The following NTNG2 variants were observed in gnomAD, a reference collection of about 807,000 sequenced individuals.
The protein encoded by NTNG2 is netrin G2.
In NTNG2, 15 loss-of-function variants were observed where a neutral mutation model predicts 47.6. The ratio of observed to expected loss-of-function variants is 0.32; its 90% CI spans 0.21 to 0.49. NTNG2 has a LOEUF of 0.49. Among genes scored for constraint, NTNG2 ranks in the 20% least tolerant of loss-of-function variants. NTNG2 has a pLI of 0.99. For synonymous variants in NTNG2, 307 were observed against 324.6 expected, an observed-to-expected ratio of 0.95 and a Z score of 0.58; for missense variants, 578 against 764.6, an observed-to-expected ratio of 0.76 and a Z score of 2.88.
rs909769232 is a variant in NTNG2, at chr9:132,242,148, G to GGGGGTCCC, written c.*50_*57dup. 2.1e-4 allele frequency: 209 copies of GGGGGTCCC among 1,009,696 alleles called. No individual in the cohort carries two copies. Among genetic ancestry groups the GGGGGTCCC allele is most frequent in the Non-Finnish European group, 2.3e-4 (189 of 826,340 alleles). 62.5% of individuals were successfully genotyped at this position (1,009,696 alleles called of 1,614,324 possible). A position where few individuals can be genotyped will look rare whatever the true frequency, so the allele number is the denominator to read the frequency against. ...AGGACGCTCCCCGCACCCGGAGGCC[G>GGGGGTCCC]GGGGTCCCGGGGTCCCGGGGCGGGG... is the stretch of plus-strand genomic sequence containing the variant. On this transcript the variant is annotated 3_prime_UTR_variant, in exon 8 of 8. Transcript: ENST00000393229. This position sits in a 1 kb window ranked among gnomAD's most constrained non-coding sequence, Gnocchi z 5.9.
intron 3 of NTNG2, among the ~76,000 whole-genome samples, chr9:132,219,168 G>A (rs1027940163): frequency 1.3e-5 from 2 of 150,460 alleles, no homozygotes; most frequent in African/African-American, 4.9e-5. Context: ...AGTGAGCTGT[G>A]ATCGTGACAC....
intron 3 of NTNG2, among the ~76,000 whole-genome samples, chr9:132,206,105 G>A (rs1269580840): frequency 6.6e-6 from 1 of 152,074 alleles, no homozygotes; most frequent in Non-Finnish European, 1.5e-5. Flanking sequence ...CCAGAGAGAG[G>A]AGCCACAACT....
intron 3 of NTNG2, among the ~76,000 whole-genome samples, chr9:132,210,359 G>A (rs1415448051): frequency 1.3e-5 from 2 of 152,174 alleles, no homozygotes; most frequent in East Asian, 3.8e-4. Flanking sequence ...TGAAGGAGTC[G>A]GTATTTTGTC....
chr9:132,188,093 C>T (rs1837543242), intron 2 of NTNG2, among the ~76,000 whole-genome samples: 1 of 152,244 alleles, frequency 6.6e-6, no homozygotes, highest in African/African-American at 2.4e-5. Context: ...TGGCAGAGGC[C>T]ACATCCAAGG....
rs111585739 is a variant in NTNG2 at position 132,205,609 on chromosome 9, G to A, written c.857+7000G>A. On this transcript the variant is annotated intron_variant, in intron 3 of 7. Transcript: ENST00000393229. ...TAACAATGGTAAGGTGGCTGGGCGC[G>A]GTGGCTCATGCCTGTAATCTCAGCA... 5.4e-3 allele frequency among the ~76,000 whole-genome samples: 816 copies of A among 152,228 alleles called. 10 individuals are homozygous for A. The highest frequency in any genetic ancestry group is 0.018 in the African/African-American group (766 of 41,534).
intron 2 of NTNG2, among the ~76,000 whole-genome samples, chr9:132,186,712 G>A (rs1053320528): frequency 2.0e-5 from 3 of 152,370 alleles, no homozygotes; most frequent in Non-Finnish European, 2.9e-5. Flanking sequence ...CTAAGCAGTC[G>A]ATCTGCTGGA....
At chr9:132,179,849 CGAAT>C (rs1368020625) in intron 2 of NTNG2, among the ~76,000 whole-genome samples, 1 of 152,126 alleles carries the variant, frequency 6.6e-6, no homozygotes, top group Non-Finnish European at 1.5e-5. Context: ...CACAGGAGTT[CGAAT>C]GGTCGTTCTG....
chr9:132,162,555 T>TGTGAGA lies in NTNG2; in HGVS notation c.-484+317_-484+318insTGAGAG, dbSNP rs112179857. 0.028 allele frequency among the ~76,000 whole-genome samples: 3,844 copies of TGTGAGA among 139,404 alleles called. 108 individuals are homozygous for TGTGAGA. Among genetic ancestry groups the TGTGAGA allele is most frequent in the African/African-American group, 0.044 (1,627 of 36,836 alleles). The allele number at this position is 139,404 out of a possible 152,430, so 91.5% of individuals were successfully genotyped here. A position where few individuals can be genotyped will look rare whatever the true frequency, so the allele number is the denominator to read the frequency against. ...GTGAGAGTGTGTGTGTGTGTGTGTG[T>TGTGAGA]GAGAGAGAGACAGAGTGTGTGTGTG... On this transcript the variant is annotated intron_variant, in intron 1 of 7. Coordinates refer to ENST00000393229, the MANE Select transcript of NTNG2 (RefSeq NM_032536.4). The surrounding 1 kb of genome is among the most constrained non-coding windows in gnomAD (Gnocchi z 4.6).
chr9:132,230,440 G>A (rs1841112483), intron 4 of NTNG2, 132 bp from the exon 5 acceptor site: 2 of 753,628 alleles, frequency 2.7e-6, no homozygotes, highest in Non-Finnish European at 2.3e-6. Flanking sequence ...TAGCAGTTGT[G>A]TGGTGGAGCA....
rs2131080260 is a variant in NTNG2 at position 132,243,951 on chromosome 9, A to G, written c.*1840A>G. 1 of 152,386 alleles carries G rather than the reference A, an allele frequency of 6.6e-6. No homozygotes were observed. The highest frequency in any genetic ancestry group is 2.4e-5 in the African/African-American group (1 of 41,520). The allele number at this position is 152,386 out of a possible 1,614,324, so 9.4% of individuals were successfully genotyped here. On this transcript the variant is annotated 3_prime_UTR_variant, in exon 8 of 8. Transcript: ENST00000393229. ...CTGCAGCTGGCCCATCTCTACCCTCACATTCTTCCTTACGCACAGAACCCC... is the reference window on the plus strand; with the variant it reads ...CTGCAGCTGGCCCATCTCTACCCTCGCATTCTTCCTTACGCACAGAACCCC...
At chr9:132,185,894 G>A (rs80349554) in intron 2 of NTNG2, among the ~76,000 whole-genome samples, 20 of 147,418 alleles carry the variant, frequency 1.4e-4, no homozygotes, top group African/African-American at 4.7e-4. Flanking sequence ...GAGGAGGAGG[G>A]AAAGGAGGAG....
chr9:132,232,673 G>A (rs965449464), intron 5 of NTNG2: 4 of 152,228 alleles, frequency 2.6e-5, no homozygotes, highest in African/African-American at 9.7e-5. Flanking sequence ...GCCAGGGAGG[G>A]GTGCTCCAAT....
chr9:132,219,156 G>T (rs1341962968), intron 3 of NTNG2, among the ~76,000 whole-genome samples: 1 of 151,420 alleles, frequency 6.6e-6, no homozygotes, highest in Non-Finnish European at 1.5e-5. Flanking sequence ...GGCAGACATT[G>T]CAGTGAGCTG....
At chr9:132,174,890 C>G (rs1257553184) in intron 2 of NTNG2, among the ~76,000 whole-genome samples, 1 of 141,278 alleles carries the variant, frequency 7.1e-6, no homozygotes, top group African/African-American at 2.7e-5. Context: ...CCACTGCACT[C>G]CAGCCTGGGC....
intron 3 of NTNG2, among the ~76,000 whole-genome samples, chr9:132,209,468 C>T (rs368117190): frequency 6.6e-6 from 1 of 152,196 alleles, no homozygotes; most frequent in East Asian, 1.9e-4. Context: ...GGGAGCCGGG[C>T]GGGCTGCAGC....
chr9:132,164,941 G>A (rs1156606620), intron 1 of NTNG2, among the ~76,000 whole-genome samples: 1 of 152,226 alleles, frequency 6.6e-6, no homozygotes, highest in African/African-American at 2.4e-5. Flanking sequence ...TGGCAGGAGC[G>A]TTTTTCTGTC....
At position 132,198,459 on chromosome 9, in the gene NTNG2, G is replaced by T. The variant is rs755237562; in HGVS notation, c.707G>T (p.Arg236Leu). The T allele has an allele frequency of 6.2e-7, 1 of 1,610,420 alleles. No homozygotes were observed. Residue 236 changes from arginine (R) to leucine (L), a missense_variant, in exon 3 of 8, where the codon CGG becomes CTG. Transcript: ENST00000393229. ...CGCAACATGGACAACCTCTACACGC[G>T]GCTGGAGAGCGCCAAGGGCCTCAAG... Reference protein sequence around the residue: ...DLRNMDNLYTRLESAKGLKEF... With the variant: ...DLRNMDNLYTLLESAKGLKEF...
At chr9:132,170,153 GGACGGCCTTTTCAGATGCGGGGTGCA>G (rs1261964877) in intron 2 of NTNG2, among the ~76,000 whole-genome samples, 8 of 152,210 alleles carry the variant, frequency 5.3e-5, no homozygotes, top group African/African-American at 1.9e-4. Flanking sequence ...ACCCAGGGGC[GGACGGCCTTTTCAGATGCGGGGTGCA>G]GACCCTCTCT....
intron 3 of NTNG2, among the ~76,000 whole-genome samples, chr9:132,213,868 G>A (rs970629172): frequency 3.3e-5 from 5 of 152,194 alleles, no homozygotes; most frequent in African/African-American, 9.6e-5. Context: ...ATGTGGGGAC[G>A]GGTGGTAACA....
Sources: allele counts gnomAD v4.1 joint callset (sites outside exome capture counted in the v4.1 genomes callset), GRCh38; gene constraint gnomAD v4.1.1; non-coding constraint Gnocchi (gnomAD v3.1); transcripts MANE v1.5; gene names NCBI Gene and HGNC (gene_info 2026-07-23, HGNC 2026-07-21).